GADL1: variants seen among roughly 807,000 people sequenced by gnomAD.
GADL1 encodes acidic amino acid decarboxylase GADL1.
A neutral mutation model predicts 69.5 loss-of-function variants in GADL1; 71 were observed. The observed-to-expected ratio is 1.02, with a 90% confidence interval of 0.84 to 1.25. The LOEUF is 1.25. Ranked by LOEUF, GADL1 falls within the 50% of genes most tolerant of loss-of-function variation. The pLI, the probability that GADL1 is intolerant of heterozygous loss-of-function variation, is 0.00. For synonymous variants in GADL1, 254 were observed against 214.4 expected (o/e 1.18, Z -1.62); for missense variants, 737 against 631.8 (o/e 1.17, Z -1.79).
Position 30,833,742 on chromosome 3 carries a change from T to C in GADL1, c.1050+111A>G. ...ACCATCAACACATTTCCCAAACACC[T>C]TCAATTTACGCCTCGCCCAAGTCAC... On this transcript the variant is annotated intron_variant, in intron 11 of 14. Transcript: ENST00000282538. 3.4e-5 allele frequency: 24 copies of C among 705,114 alleles called. No individual in the cohort carries two copies. In the South Asian group the frequency reaches 3.9e-4, roughly 12 times the overall value. 43.7% of individuals were successfully genotyped at this position (705,114 alleles called of 1,614,324 possible). A position where few individuals can be genotyped will look rare whatever the true frequency, so the allele number is the denominator to read the frequency against.
intron 14 of GADL1, among the ~76,000 whole-genome samples, chr3:30,743,112 C>T (rs1405312182): frequency 6.6e-6 from 1 of 151,878 alleles, no homozygotes; most frequent in East Asian, 1.9e-4. Context: ...TTGTGGCTTC[C>T]TGAAATAATC....
chr3:30,775,396 G>C lies in GADL1; in HGVS notation c.1392+2783C>G, dbSNP rs1431272206. 2.0e-5 allele frequency among the ~76,000 whole-genome samples: 3 copies of C among 152,152 alleles called. No homozygotes were observed. The East Asian group carries it at 5.8e-4, about 29-fold the overall frequency. ...TCAAGTGTGCTTTAAGTACACTACAGGTTATAAATCATATACTTGTATTCT... is the reference window on the plus strand; with the variant it reads ...TCAAGTGTGCTTTAAGTACACTACACGTTATAAATCATATACTTGTATTCT... On this transcript the variant is annotated intron_variant, in intron 14 of 14. Coordinates refer to ENST00000282538, the MANE Select transcript of GADL1 (RefSeq NM_207359.3).
chr3:30,802,985 G>A (rs893527612), intron 11 of GADL1, among the ~76,000 whole-genome samples: 11 of 152,246 alleles, frequency 7.2e-5, no homozygotes, highest in South Asian at 2.1e-4. Context: ...TGGTTGTGGC[G>A]TATGCCTGAA....
At chr3:30,782,114 C>T (rs929274624) in intron 13 of GADL1, among the ~76,000 whole-genome samples, 28 of 152,078 alleles carry the variant, frequency 1.8e-4, no homozygotes, top group Non-Finnish European at 3.4e-4. Context: ...AAGCTAGAAA[C>T]GAAGATGGGA....
chr3:30,874,477 C>A (rs1267654237), intron 1 of GADL1, among the ~76,000 whole-genome samples: 4 of 151,838 alleles, frequency 2.6e-5, no homozygotes, highest in Non-Finnish European at 5.9e-5. Context: ...ATGTTTTTGG[C>A]CATTTATGTG....
chr3:30,881,950 G>A (rs551993088), intron 1 of GADL1, among the ~76,000 whole-genome samples: 8 of 151,970 alleles, frequency 5.3e-5, no homozygotes, highest in African/African-American at 1.7e-4. Context: ...GGAGCAAGAA[G>A]GCTTGCCAGA....
rs1695374876 is a variant in GADL1, at chr3:30,726,915, C to T, written c.*1327G>A. On this transcript the variant is annotated 3_prime_UTR_variant, in exon 15 of 15. Coordinates refer to ENST00000282538, the MANE Select transcript of GADL1 (RefSeq NM_207359.3). Reference sequence around the variant, plus strand: ...TTTACACTGAAAGTCTGCTGAATCCCAGATTCTGTAATATAAACCACTTAA... The same window carrying T: ...TTTACACTGAAAGTCTGCTGAATCCTAGATTCTGTAATATAAACCACTTAA... The T allele has an allele frequency of 6.6e-6, 1 of 152,386 alleles. No individual in the cohort carries two copies. The highest frequency in any genetic ancestry group is 2.4e-5 in the African/African-American group (1 of 41,374). The allele number at this position is 152,386 out of a possible 1,614,324, so 9.4% of individuals were successfully genotyped here.
At chr3:30,741,112 GTATATA>G (rs67611024) in intron 14 of GADL1, among the ~76,000 whole-genome samples, 38,044 of 113,742 alleles carry the variant, frequency 0.33, 6,826 homozygotes, top group Admixed American at 0.4. Flanking sequence ...TGTATTCCTA[GTATATA>G]TATATATATA....
In GADL1 at chr3:30,766,195, G is replaced by C. The variant is rs545133754; in HGVS notation, c.1392+11984C>G. 4.6e-5 allele frequency among the ~76,000 whole-genome samples: 7 copies of C among 152,302 alleles called. No homozygotes were observed. In the East Asian group the frequency reaches 9.7e-4, roughly 21 times the overall value. The stretch of plus-strand genomic sequence containing the variant: ...CCTCCAGGAGGAAATTGAACATGGG[G>C]CACCAAGAATGAAGAGGTGGTAGAA... On this transcript the variant is annotated intron_variant, in intron 14 of 14. Transcript: ENST00000282538.
intron 11 of GADL1, among the ~76,000 whole-genome samples, chr3:30,826,602 T>C (rs949056073): frequency 1.3e-5 from 2 of 151,782 alleles, no homozygotes; most frequent in South Asian, 4.1e-4. Flanking sequence ...AAGGATGAAA[T>C]TGGGAGACCG....
Position 30,821,729 on chromosome 3 carries a change from A to C in GADL1, c.1050+12124T>G, listed in dbSNP as rs1236888119. On this transcript the variant is annotated intron_variant, in intron 11 of 14. Transcript: ENST00000282538. ...AAAACTGGAAGAATAAATAGATGATAATAAGTCATTTTTTAAAAGAGTGAA... is the reference window on the plus strand; with the variant it reads ...AAAACTGGAAGAATAAATAGATGATCATAAGTCATTTTTTAAAAGAGTGAA... Among the ~76,000 whole-genome samples the C allele has an allele frequency of 2.0e-5, 3 of 147,874 alleles. No individual in the cohort carries two copies. The East Asian group carries it at 5.8e-4, about 29-fold the overall frequency.
chr3:30,808,820 C>A (rs772155250), intron 11 of GADL1, among the ~76,000 whole-genome samples: 1 of 152,160 alleles, frequency 6.6e-6, no homozygotes, highest in Non-Finnish European at 1.5e-5. Context: ...CTCTTTCTGG[C>A]TTTCAAATGT....
intron 6 of GADL1, among the ~76,000 whole-genome samples, chr3:30,846,881 A>C (rs1481767419): frequency 6.6e-6 from 1 of 152,124 alleles, no homozygotes; most frequent in Non-Finnish European, 1.5e-5. Flanking sequence ...TAGAGTGCAA[A>C]ATTTAGAGGC....
intron 12 of GADL1, among the ~76,000 whole-genome samples, chr3:30,793,443 A>C (rs1196276994): frequency 6.6e-6 from 1 of 152,214 alleles, no homozygotes; most frequent in Non-Finnish European, 1.5e-5. Context: ...GTTTGGGGAC[A>C]TAATGCAGAA....
chr3:30,878,115 C>A (rs890568881), intron 1 of GADL1, among the ~76,000 whole-genome samples: 7 of 152,046 alleles, frequency 4.6e-5, no homozygotes, highest in African/African-American at 1.7e-4. Context: ...AGCCCTGACT[C>A]TGGCCCCCAA....
At chr3:30,736,491 TTAAAA>T (rs1434099226) in intron 14 of GADL1, among the ~76,000 whole-genome samples, 2 of 152,228 alleles carry the variant, frequency 1.3e-5, no homozygotes, top group Non-Finnish European at 2.9e-5. Context: ...TATTTATTTC[TTAAAA>T]TAAATTTGTA....
At chr3:30,867,928 T>C (rs80017269) in intron 1 of GADL1, among the ~76,000 whole-genome samples, 2,630 of 152,150 alleles carry the variant, frequency 0.017, 75 homozygotes, top group African/African-American at 0.059. Context: ...TAGGAGAAGC[T>C]GAGGTGTCAG....
intron 1 of GADL1, among the ~76,000 whole-genome samples, chr3:30,879,220 A>G (rs1231438088): frequency 6.6e-6 from 1 of 151,940 alleles, no homozygotes; most frequent in Non-Finnish European, 1.5e-5. Context: ...TTCTCTCTGA[A>G]TGAGGTGGTC....
rs9874700 is a variant in GADL1 at position 30,740,991 on chromosome 3, T to A, written c.1393-12576A>T. On this transcript the variant is annotated intron_variant, in intron 14 of 14. Transcript: ENST00000282538. The stretch of plus-strand genomic sequence containing the variant: ...ATTATATATTAATATATATTATATA[T>A]TATATATTAATATATATTATATATT... Among the ~76,000 whole-genome samples, 869 of 104,692 alleles carry A rather than the reference T, an allele frequency of 8.3e-3. 12 individuals carry two copies. Among genetic ancestry groups the A allele is most frequent in the African/African-American group, 0.035 (834 of 23,608 alleles). The allele number at this position is 104,692 out of a possible 152,430, so 68.7% of individuals were successfully genotyped here.
Sources: gnomAD v4.1 joint callset for allele counts (sites outside exome capture counted in the v4.1 genomes callset) on GRCh38, gnomAD v4.1.1 for gene constraint, MANE v1.5 for transcripts, NCBI Gene and HGNC (gene_info 2026-07-23, HGNC 2026-07-21) for gene names.